Variants in AFF2 observed in about 807,000 individuals in gnomAD.
The protein encoded by AFF2 is AF4/FMR2 family member 2.
In AFF2, 14 loss-of-function variants were observed where a neutral mutation model predicts 76.9. The ratio of observed to expected loss-of-function variants is 0.18; its 90% CI spans 0.12 to 0.28. The LOEUF (loss-of-function observed/expected upper bound fraction) is 0.28. Among genes scored for constraint, AFF2 ranks in the 10% least tolerant of loss-of-function variants. AFF2 has a pLI of 1.00. For synonymous variants in AFF2, 398 were observed against 366.7 expected (o/e 1.09, Z -0.98); for missense variants, 868 against 1,001.1 (o/e 0.87, Z 1.79).
rs940742354 is a variant in AFF2, at chrX:148,994,677, A to G, written c.*3345A>G. The G allele has an allele frequency of 1.8e-5, 2 of 112,543 alleles. No homozygotes were observed. The allele number at this position is 112,543 out of a possible 1,213,427, so 9.3% of individuals were successfully genotyped here. A position where few individuals can be genotyped will look rare whatever the true frequency, so the allele number is the denominator to read the frequency against. ...GGATGAATTTTCATTTGGACATTAC[A>G]TCACTAAATTCATTAGATTTTGTCT... On this transcript the variant is annotated 3_prime_UTR_variant, in exon 21 of 21. Coordinates refer to ENST00000370460, the MANE Select transcript of AFF2 (RefSeq NM_002025.4).
intron 3 of AFF2, among the ~76,000 whole-genome samples, chrX:148,779,176 G>A (rs1354751538): frequency 8.9e-6 from 1 of 111,979 alleles, no homozygotes; most frequent in African/African-American, 3.2e-5. Flanking sequence ...TTAATCCTGA[G>A]TTCTAATTTG....
chrX:148,785,295 C>T (rs1356231915), intron 3 of AFF2, among the ~76,000 whole-genome samples: 2 of 111,681 alleles, frequency 1.8e-5, no homozygotes. Context: ...TTATCTGTAC[C>T]CAGTATCAGG....
At chrX:148,836,577 A>T (rs2070528844) in intron 4 of AFF2, among the ~76,000 whole-genome samples, 2 of 110,922 alleles carry the variant, frequency 1.8e-5, no homozygotes, top group South Asian at 7.7e-4. Context: ...TCCCTACTTT[A>T]TTTCTATCAT....
At chrX:148,899,965 AC>A (rs1379204535) in intron 8 of AFF2, among the ~76,000 whole-genome samples, 1 of 109,919 alleles carries the variant, frequency 9.1e-6, no homozygotes, top group East Asian at 2.9e-4. Flanking sequence ...TATATATATA[AC>A]CCCCAAAAGA....
At chrX:148,961,509 C>T (rs1338117887) in intron 12 of AFF2, among the ~76,000 whole-genome samples, 4 of 111,718 alleles carry the variant, frequency 3.6e-5, no homozygotes, top group South Asian at 3.7e-4. Context: ...TTTTCAGTTT[C>T]GCTACACAAC....
intron 3 of AFF2, among the ~76,000 whole-genome samples, chrX:148,754,440 A>G (rs1184530203): frequency 1.8e-5 from 2 of 109,901 alleles, no homozygotes; most frequent in African/African-American, 6.6e-5. Context: ...TCCCGTCAAT[A>G]CATTTCCCTG....
chrX:148,606,308 G>T (rs1557248779), intron 1 of AFF2, among the ~76,000 whole-genome samples: 1 of 112,011 alleles, frequency 8.9e-6, no homozygotes, highest in Non-Finnish European at 1.9e-5. Context: ...TGTACAGAAA[G>T]AAGGACATTA....
At chrX:148,684,417 G>A (rs1206020223) in intron 3 of AFF2, among the ~76,000 whole-genome samples, 6 of 112,101 alleles carry the variant, frequency 5.4e-5, no homozygotes, top group Non-Finnish European at 1.9e-5. Flanking sequence ...GCAAGTTCAT[G>A]CAATATTATA....
At chrX:148,525,559 A>G (rs993660039) in intron 1 of AFF2, among the ~76,000 whole-genome samples, 34 of 111,886 alleles carry the variant, frequency 3.0e-4, no homozygotes, top group African/African-American at 1.0e-3. Flanking sequence ...AGACTTCATA[A>G]ATACACATTA....
intron 3 of AFF2, among the ~76,000 whole-genome samples, chrX:148,700,419 AGT>A (rs368077947): frequency 0.043 from 3,540 of 82,414 alleles, 65 homozygotes; most frequent in South Asian, 0.073. Context: ...GTACTGTTGA[AGT>A]GTGTGTGTGT....
At chrX:148,608,163 G>T (rs1262459493) in intron 1 of AFF2, among the ~76,000 whole-genome samples, 1 of 111,615 alleles carries the variant, frequency 9.0e-6, no homozygotes, top group Non-Finnish European at 1.9e-5. Context: ...CCATGGTCTG[G>T]TATTGGATTA....
chrX:148,669,826 A>G (rs2054402772), intron 3 of AFF2, among the ~76,000 whole-genome samples: 1 of 111,450 alleles, frequency 9.0e-6, no homozygotes, highest in Non-Finnish European at 1.9e-5. Context: ...GTCCAAGGCT[A>G]TATCTGGGCT....
At chrX:148,629,866 C>T (rs2053962890) in intron 1 of AFF2, among the ~76,000 whole-genome samples, 1 of 111,620 alleles carries the variant, frequency 9.0e-6, no homozygotes, top group Non-Finnish European at 1.9e-5. Flanking sequence ...ACCAAACTCA[C>T]CATCATACAC....
intron 8 of AFF2, among the ~76,000 whole-genome samples, chrX:148,888,393 C>CAT (rs1557279344): frequency 9.0e-6 from 1 of 111,686 alleles, no homozygotes; most frequent in East Asian, 2.8e-4. Context: ...ATGAATAAAC[C>CAT]ACATTTTCTT....
At chrX:148,540,231 G>T (rs1438765482) in intron 1 of AFF2, among the ~76,000 whole-genome samples, 1 of 111,166 alleles carries the variant, frequency 9.0e-6, no homozygotes, top group Non-Finnish European at 1.9e-5. Context: ...GGTCCAGCTG[G>T]TTCATATTTA....
At chrX:148,605,071 C>A (rs2053660750) in intron 1 of AFF2, among the ~76,000 whole-genome samples, 1 of 111,418 alleles carries the variant, frequency 9.0e-6, no homozygotes, top group African/African-American at 3.3e-5. Flanking sequence ...GAGAAATACA[C>A]ATTACCAAGA....
intron 3 of AFF2, among the ~76,000 whole-genome samples, chrX:148,687,888 C>T (rs2054614381): frequency 9.0e-6 from 1 of 110,799 alleles, no homozygotes; most frequent in Non-Finnish European, 1.9e-5. Context: ...AGCTACTATG[C>T]ACTAGACATC....
intron 1 of AFF2, among the ~76,000 whole-genome samples, chrX:148,557,376 A>G (rs1202463384): frequency 8.9e-6 from 1 of 112,334 alleles, no homozygotes; most frequent in Non-Finnish European, 1.9e-5. Flanking sequence ...TGTTGCTATA[A>G]TAGAATACCA....
At position 148,569,395 on chromosome X, in the gene AFF2, G is replaced by A. The variant is rs782612277; in HGVS notation, c.47+68251G>A. Among the ~76,000 whole-genome samples the A allele has an allele frequency of 1.9e-4, 21 of 111,257 alleles. No individual in the cohort carries two copies. In the East Asian group the frequency reaches 6.0e-3, roughly 32 times the overall value. ...AGCGGTCGTTTCTTTGCTATTCAAT[G>A]AGAACTGAAGTTTTGCTGAAATATG... On this transcript the variant is annotated intron_variant, in intron 1 of 20. Transcript: ENST00000370460.
Sources: gnomAD v4.1 joint callset for allele counts (sites outside exome capture counted in the v4.1 genomes callset) on GRCh38, gnomAD v4.1.1 for gene constraint, MANE v1.5 for transcripts, NCBI Gene and HGNC (gene_info 2026-07-23, HGNC 2026-07-21) for gene names.